AGMO: variants seen among roughly 807,000 people sequenced by gnomAD.
AGMO encodes the protein alkylglycerol monooxygenase.
AGMO carries 75 observed loss-of-function variants against 60.2 expected under a neutral mutation model. That is an observed-to-expected ratio of 1.25 (90% CI 1.03 to 1.51). The LOEUF is 1.51. AGMO is among the 40% of genes most tolerant of loss of function. The pLI is 0.00. For missense variants in AGMO, 763 were observed against 525.5 expected (o/e 1.45, Z -4.42); for synonymous variants, 261 against 177.1 (o/e 1.47, Z -3.76).
intron 12 of AGMO, among the ~76,000 whole-genome samples, chr7:15,249,738 T>C (rs1782877458): frequency 6.6e-6 from 1 of 152,144 alleles, no homozygotes; most frequent in African/African-American, 2.4e-5. Context: ...GAGGTACATC[T>C]ATTTCCCCAA....
chr7:15,283,526 G>C (rs1241724880), intron 12 of AGMO, among the ~76,000 whole-genome samples: 3 of 151,854 alleles, frequency 2.0e-5, no homozygotes, highest in African/African-American at 7.2e-5. Flanking sequence ...ATTCAACAAG[G>C]AGATATTATA....
Position 15,394,722 on chromosome 7 carries a change from A to G in AGMO, c.610-543T>C, listed in dbSNP as rs554533606. Among the ~76,000 whole-genome samples, 137 of 152,270 alleles carry G rather than the reference A, an allele frequency of 9.0e-4. No homozygotes were observed. The Middle Eastern group carries it at 0.017, about 19-fold the overall frequency. ...GTTTCCCGGAGTTGTTTCACCCTGT[A>G]AATCAGCCATGCAGCAACGACTTAC... On this transcript the variant is annotated intron_variant, in intron 5 of 12. Transcript: ENST00000342526.
intron 12 of AGMO, among the ~76,000 whole-genome samples, chr7:15,303,283 A>C (rs1583383911): frequency 6.6e-6 from 1 of 152,262 alleles, no homozygotes; most frequent in African/African-American, 2.4e-5. Context: ...CCTAAATTTT[A>C]ATTAAATGTC....
chr7:15,162,351 A>C, the AGMO span, among the ~76,000 whole-genome samples: 1 of 152,188 alleles, frequency 6.6e-6, no homozygotes, highest in Non-Finnish European at 1.5e-5. Context: ...TGTATGATCT[A>C]ATCTTATCAT....
intron 9 of AGMO, among the ~76,000 whole-genome samples, chr7:15,385,764 G>A (rs1465762713): frequency 6.6e-6 from 1 of 152,138 alleles, no homozygotes; most frequent in African/African-American, 2.4e-5. Flanking sequence ...CTGCCTTAAA[G>A]AGCAGCATAA....
At chr7:15,473,309 T>A (rs879109206) in intron 3 of AGMO, among the ~76,000 whole-genome samples, 1 of 152,012 alleles carries the variant, frequency 6.6e-6, no homozygotes, top group Middle Eastern at 3.2e-3. Context: ...AGCTGAATTC[T>A]ACTAGAGGTA....
chr7:15,156,349 G>A, the AGMO span, among the ~76,000 whole-genome samples: 4 of 72,364 alleles, frequency 5.5e-5, no homozygotes, highest in African/African-American at 1.5e-4. Flanking sequence ...AACCCTGGGA[G>A]AGGCTGGCGG....
intron 3 of AGMO, among the ~76,000 whole-genome samples, chr7:15,469,671 GA>G (rs967102435): frequency 8.6e-5 from 13 of 151,342 alleles, no homozygotes; most frequent in Admixed American, 2.0e-4. Flanking sequence ...GACAGAATTA[GA>G]AAAAAAAAGT....
At chr7:15,165,044 AC>A in the AGMO span, among the ~76,000 whole-genome samples, 146 of 152,310 alleles carry the variant, frequency 9.6e-4, 1 homozygote, top group South Asian at 0.022. Context: ...ACTATGGAAT[AC>A]TACACAGTCA....
intron 3 of AGMO, among the ~76,000 whole-genome samples, chr7:15,482,791 C>A (rs1782795341): frequency 6.6e-6 from 1 of 152,120 alleles, no homozygotes; most frequent in Admixed American, 6.5e-5. Flanking sequence ...CATGGGCAAT[C>A]TGAGTGTATT....
chr7:15,130,412 G>A, the AGMO span, among the ~76,000 whole-genome samples: 1 of 151,450 alleles, frequency 6.6e-6, no homozygotes, highest in African/African-American at 2.4e-5. Flanking sequence ...ACATTTTCTT[G>A]AATGTTAATA....
intron 10 of AGMO, among the ~76,000 whole-genome samples, chr7:15,376,300 T>C (rs1178953480): frequency 6.6e-6 from 1 of 152,022 alleles, no homozygotes. Context: ...ACTTGAAAAC[T>C]TTCATGAAGA....
chr7:15,366,553 T>C (rs1259106505), intron 10 of AGMO, among the ~76,000 whole-genome samples: 1 of 152,108 alleles, frequency 6.6e-6, no homozygotes, highest in Non-Finnish European at 1.5e-5. Flanking sequence ...CACATTTTAA[T>C]GTATAAATAC....
At chr7:15,222,321 G>A (rs1191302512) in intron 12 of AGMO, among the ~76,000 whole-genome samples, 1 of 151,892 alleles carries the variant, frequency 6.6e-6, no homozygotes, top group Non-Finnish European at 1.5e-5. Context: ...CTCAACTTTT[G>A]ATTTTGGAAG....
intron 10 of AGMO, among the ~76,000 whole-genome samples, chr7:15,374,503 A>G (rs541785011): frequency 6.1e-4 from 93 of 152,240 alleles, no homozygotes; most frequent in Admixed American, 1.4e-3. Flanking sequence ...TTAGATATGT[A>G]ACAATTATAT....
In AGMO at chr7:15,273,586, G is replaced by C. The variant is rs189739207; in HGVS notation, c.1264-72227C>G. 5.1e-3 allele frequency among the ~76,000 whole-genome samples: 770 copies of C among 152,274 alleles called. 5 individuals are homozygous for C. Among genetic ancestry groups the C allele is most frequent in the African/African-American group, 0.017 (719 of 41,556 alleles). On this transcript the variant is annotated intron_variant, in intron 12 of 12. Transcript: ENST00000342526. ...CTCCAGCTTTGTTCTTTTGGCTTAG[G>C]ATTGACTTGGCAATTTGGGCTCTTT...
the AGMO span, among the ~76,000 whole-genome samples, chr7:15,118,940 A>G: frequency 7.9e-6 from 1 of 127,276 alleles, no homozygotes; most frequent in Non-Finnish European, 1.6e-5. Context: ...CTCTGTTGCC[A>G]GGCTGGAGTG....
At chr7:15,327,218 C>T (rs1215309784) in intron 12 of AGMO, among the ~76,000 whole-genome samples, 4 of 152,122 alleles carry the variant, frequency 2.6e-5, no homozygotes, top group Admixed American at 6.6e-5. Context: ...GACTCATCTA[C>T]TACACCTCTA....
chr7:15,453,849 A>C (rs1781921318), intron 3 of AGMO, among the ~76,000 whole-genome samples: 1 of 151,930 alleles, frequency 6.6e-6, no homozygotes, highest in South Asian at 2.1e-4. Context: ...GACCTTCCAC[A>C]AAGTAGCCAC....
Sources: allele counts gnomAD v4.1 joint callset (sites outside exome capture counted in the v4.1 genomes callset), GRCh38; gene constraint gnomAD v4.1.1; transcripts MANE v1.5; gene names NCBI Gene and HGNC (gene_info 2026-07-23, HGNC 2026-07-21).